Variants in ANKS1B observed in about 807,000 individuals in gnomAD.
ANKS1B encodes ankyrin repeat and sterile alpha motif domain-containing protein 1B.
In ANKS1B, 36 loss-of-function variants were observed where a neutral mutation model predicts 148.3. That is an observed-to-expected ratio of 0.24 (90% CI 0.19 to 0.32). ANKS1B has a LOEUF of 0.32. ANKS1B is among the 10% of genes least tolerant of loss of function. The probability of loss-of-function intolerance (pLI) is 1.00; values close to 1 mark genes in which losing one functional copy is unlikely to be tolerated. For missense variants in ANKS1B, 1,157 were observed against 1,542.6 expected (o/e 0.75, Z 4.19); for synonymous variants, 542 against 560.8 (o/e 0.97, Z 0.47).
At chr12:99,617,436 C>T (rs551106891) in intron 9 of ANKS1B, among the ~76,000 whole-genome samples, 38 of 152,274 alleles carry the variant, frequency 2.5e-4, no homozygotes, top group Admixed American at 5.2e-4. Context: ...GGCACATATA[C>T]ACCATGGAAT....
At chr12:99,392,391 A>G (rs1455337743) in intron 12 of ANKS1B, among the ~76,000 whole-genome samples, 2 of 152,226 alleles carry the variant, frequency 1.3e-5, no homozygotes, top group African/African-American at 2.4e-5. Flanking sequence ...AAAGCGTCCT[A>G]TGCTGCTAAG....
At chr12:98,993,176 T>C (rs534464240) in intron 17 of ANKS1B, among the ~76,000 whole-genome samples, 2 of 152,284 alleles carry the variant, frequency 1.3e-5, no homozygotes. Context: ...ATTTCTTATT[T>C]ATTTATTTTG....
At chr12:98,979,667 A>AT (rs58780711) in intron 17 of ANKS1B, among the ~76,000 whole-genome samples, 73,530 of 147,922 alleles carry the variant, frequency 0.5, 19,704 homozygotes, top group African/African-American at 0.73. Flanking sequence ...ATGCTTTTAG[A>AT]TTTTTTTTTT....
chr12:99,618,873 G>A (rs1158216268), intron 9 of ANKS1B, among the ~76,000 whole-genome samples: 4 of 152,110 alleles, frequency 2.6e-5, no homozygotes, highest in African/African-American at 9.7e-5. Context: ...CCGGAGATTG[G>A]AATGGCTGCT....
In ANKS1B at chr12:98,745,773, C is replaced by A; in HGVS notation, c.3824G>T (p.Gly1275Val). 1.2e-6 allele frequency: 2 copies of A among 1,613,786 alleles called. No individual in the cohort carries two copies. The highest frequency in any genetic ancestry group is 8.5e-7 in the Non-Finnish European group (1 of 1,179,790). ...IVEPGQEAKR[G>V]INTKYETTIF The stretch of plus-strand genomic sequence containing the variant: ...CGTGGTTTCATACTTGGTATTAATG[C>A]CCCTCTTGGCTTCTTGGCCCGGCTC... The change falls in exon 27 of 27, where the codon GGC (glycine) becomes GTC (valine). Residue 1275 changes from glycine (G) to valine (V), a missense_variant. Transcript: ENST00000683438.
At chr12:99,408,964 T>C (rs757926241) in intron 11 of ANKS1B, among the ~76,000 whole-genome samples, 1 of 111,972 alleles carries the variant, frequency 8.9e-6, no homozygotes. Context: ...CTTAAATAAC[T>C]AGAAATAGAA....
intron 17 of ANKS1B, among the ~76,000 whole-genome samples, chr12:98,999,429 G>A (rs952215086): frequency 1.3e-5 from 2 of 152,034 alleles, no homozygotes; most frequent in Non-Finnish European, 2.9e-5. Context: ...TGAACCAACT[G>A]GGTCTCCGCA....
At chr12:98,794,870 T>A (rs1414202517) in intron 22 of ANKS1B, 39 of 1,603,440 alleles carry the variant, frequency 2.4e-5, no homozygotes, top group Non-Finnish European at 3.2e-5. Context: ...AAGCAAAACA[T>A]CCATCTTATC....
At chr12:99,197,093 T>G (rs1478899686) in intron 14 of ANKS1B, among the ~76,000 whole-genome samples, 2 of 152,108 alleles carry the variant, frequency 1.3e-5, no homozygotes, top group African/African-American at 4.8e-5. Flanking sequence ...AGGCCAAGAA[T>G]GTGGGCCTGG....
At chr12:99,203,157 A>T (rs975958507) in intron 14 of ANKS1B, among the ~76,000 whole-genome samples, 1 of 152,214 alleles carries the variant, frequency 6.6e-6, no homozygotes, top group African/African-American at 2.4e-5. Context: ...TGACTCAAAT[A>T]ATCTGTAAAC....
intron 15 of ANKS1B, among the ~76,000 whole-genome samples, chr12:99,142,851 G>C (rs1461225350): frequency 1.3e-5 from 2 of 152,046 alleles, no homozygotes; most frequent in Non-Finnish European, 2.9e-5. Flanking sequence ...TTTTGAAACA[G>C]TGAGGGATTT....
chr12:99,198,093 A>G (rs1184510533), intron 14 of ANKS1B, among the ~76,000 whole-genome samples: 1 of 152,052 alleles, frequency 6.6e-6, no homozygotes, highest in Non-Finnish European at 1.5e-5. Context: ...CCTTCTCTAA[A>G]GCCTTCCTTA....
chr12:99,139,853 A>C (rs1467796979), intron 15 of ANKS1B, among the ~76,000 whole-genome samples: 1 of 152,112 alleles, frequency 6.6e-6, no homozygotes, highest in Non-Finnish European at 1.5e-5. Flanking sequence ...GGATCCATTC[A>C]AAAGGATTCT....
chr12:99,487,446 A>T (rs568981150), intron 10 of ANKS1B, among the ~76,000 whole-genome samples: 1 of 152,310 alleles, frequency 6.6e-6, no homozygotes, highest in Admixed American at 6.5e-5. Flanking sequence ...ATATATACTG[A>T]GCTTTGAGCA....
intron 1 of ANKS1B, among the ~76,000 whole-genome samples, chr12:99,978,405 C>G (rs2095653873): frequency 6.6e-6 from 1 of 152,212 alleles, no homozygotes; most frequent in South Asian, 2.1e-4. Flanking sequence ...ACCCTCCTTT[C>G]TCCTTACTCC....
chr12:99,289,659 T>C (rs1332419151), intron 12 of ANKS1B, among the ~76,000 whole-genome samples: 3 of 152,032 alleles, frequency 2.0e-5, no homozygotes, highest in Non-Finnish European at 4.4e-5. Context: ...AACAATATGC[T>C]TCTGAATGAC....
At chr12:99,789,756 A>T (rs2065418149) in intron 4 of ANKS1B, among the ~76,000 whole-genome samples, 1 of 152,160 alleles carries the variant, frequency 6.6e-6, no homozygotes, top group Non-Finnish European at 1.5e-5. Flanking sequence ...AGACACACTG[A>T]GAGTCTACAG....
intron 8 of ANKS1B, among the ~76,000 whole-genome samples, chr12:99,663,059 T>C (rs1286361429): frequency 2.6e-5 from 4 of 152,188 alleles, no homozygotes; most frequent in African/African-American, 9.6e-5. Flanking sequence ...GCAACAACTA[T>C]GTAATAGCAT....
At chr12:99,369,391 A>G (rs969489795) in intron 12 of ANKS1B, among the ~76,000 whole-genome samples, 5 of 152,196 alleles carry the variant, frequency 3.3e-5, no homozygotes, top group Admixed American at 2.0e-4. Flanking sequence ...AAAAGTCAGT[A>G]TCACAAAAAT....
Sources: allele counts gnomAD v4.1 joint callset (sites outside exome capture counted in the v4.1 genomes callset), GRCh38; gene constraint gnomAD v4.1.1; transcripts MANE v1.5; gene names NCBI Gene and HGNC (gene_info 2026-07-23, HGNC 2026-07-21).